The following DCLRE1C variants were observed in gnomAD, a reference collection of about 807,000 sequenced individuals.
DCLRE1C encodes DNA cross-link repair 1C, also known as protein artemis.
DCLRE1C carries 47 observed loss-of-function variants against 61.4 expected under a neutral mutation model. The observed-to-expected ratio is 0.77, with a 90% CI of 0.61 to 0.98. The LOEUF (loss-of-function observed/expected upper bound fraction) is 0.98. DCLRE1C is among the 50% of genes least tolerant of loss of function. The pLI, the probability that DCLRE1C is intolerant of heterozygous loss-of-function variation, is 0.00. For missense variants in DCLRE1C, 858 were observed against 816.0 expected, an observed-to-expected ratio of 1.05 and a Z score of -0.63; for synonymous variants, 337 against 287.6, an observed-to-expected ratio of 1.17 and a Z score of -1.74.
chr10:14,938,754 T>A (rs1281289155), intron 4 of DCLRE1C, among the ~76,000 whole-genome samples: 2 of 152,206 alleles, frequency 1.3e-5, no homozygotes, highest in African/African-American at 4.8e-5. Flanking sequence ...ATGAATTACC[T>A]GCAAAAATAT....
In DCLRE1C at chr10:14,953,939, C is replaced by G. The variant is rs760707626; in HGVS notation, c.72G>C (p.Leu24=). ...GGGACAGGAAGTAGGCGCGGGCCCT[C>G]AGGTTCTCCCTATCGAAGCGGTCTA... The part of the protein sequence containing the change: ...ISIDRFDREN[L]RARAYFLSHC... The change falls in exon 1 of 14, where the codon CTG becomes CTC. Residue 24 remains leucine (L), a synonymous_variant. Coordinates refer to ENST00000378278, the MANE Select transcript of DCLRE1C (RefSeq NM_001033855.3). 2.5e-6 allele frequency: 4 copies of G among 1,613,952 alleles called. No homozygotes were observed. The highest frequency in any genetic ancestry group is 3.3e-5 in the Admixed American group (2 of 59,998).
chr10:14,935,731 C>T (rs1839801268), intron 5 of DCLRE1C, among the ~76,000 whole-genome samples, 167 bp from the exon 6 acceptor site: 1 of 152,082 alleles, frequency 6.6e-6, no homozygotes, highest in African/African-American at 2.4e-5. Context: ...CAGCTGTCAC[C>T]TCTTCCCTCG....
chr10:14,947,249 T>C (rs1841840226), intron 2 of DCLRE1C, among the ~76,000 whole-genome samples: 1 of 151,786 alleles, frequency 6.6e-6, no homozygotes, highest in Non-Finnish European at 1.5e-5. Context: ...CAAAAAAACA[T>C]GCCAAATGGT....
rs775434818 is a variant in DCLRE1C, at chr10:14,936,562, G to C, written c.338C>G (p.Ala113Gly). Residue 113 changes from alanine (A) to glycine (G), a missense_variant, in exon 5 of 14, where the codon GCT (alanine) becomes GGT (glycine). By Grantham distance (60) the Ala-to-Gly change is moderately conservative. Around this residue, in one of 2 missense-constraint regions of DCLRE1C, gnomAD observed 843 missense variants for 783.5 expected, o/e 1.08. Transcript: ENST00000378278. ...KEEIVVTLLPAGHCPGSVMFL... is the reference protein window; with the variant it reads ...KEEIVVTLLPGGHCPGSVMFL... ...CATAACTGATCCCGGACAGTGACCA[G>C]CTGGTAAGAGAGTCACAACAATCTC... is the stretch of plus-strand genomic sequence containing the variant. The C allele has an allele frequency of 6.2e-7, 1 of 1,613,168 alleles. No homozygotes were observed. The highest frequency in any genetic ancestry group is 8.5e-7 in the Non-Finnish European group (1 of 1,179,324).
intron 11 of DCLRE1C, among the ~76,000 whole-genome samples, chr10:14,924,934 C>T (rs1486189910): frequency 1.3e-5 from 2 of 152,036 alleles, no homozygotes; most frequent in South Asian, 2.1e-4. Context: ...CTTTTATGCC[C>T]TTCTGCAAAT....
chr10:14,946,153 C>T (rs527986774), intron 2 of DCLRE1C, among the ~76,000 whole-genome samples: 20 of 151,284 alleles, frequency 1.3e-4, no homozygotes, highest in Admixed American at 2.7e-4. Context: ...GGACTACATG[C>T]GCACCACCAC....
downstream of DCLRE1C, among the ~76,000 whole-genome samples, chr10:14,900,603 C>T (rs1588861187): frequency 6.6e-6 from 1 of 152,162 alleles, no homozygotes; most frequent in Non-Finnish European, 1.5e-5. Context: ...GTATGACTCA[C>T]TACATCTTTT....
exon 14 of DCLRE1C, chr10:14,899,285 A>G (rs548175606): frequency 1.4e-6 from 1 of 702,312 alleles, no homozygotes. Flanking sequence ...GCACCACCGC[A>G]TTCTAGCCTG....
chr10:14,934,897 A>T, intron 6 of DCLRE1C, 122 bp from the exon 7 acceptor site: 1 of 729,612 alleles, frequency 1.4e-6, no homozygotes, highest in South Asian at 1.5e-5. Flanking sequence ...TCTGCTCACT[A>T]CCACCTCCTC....
intron 11 of DCLRE1C, among the ~76,000 whole-genome samples, chr10:14,924,612 G>T (rs1021887574): frequency 6.6e-6 from 1 of 152,128 alleles, no homozygotes; most frequent in African/African-American, 2.4e-5. Context: ...ACTTTGGGAG[G>T]CCGAGCCGGG....
chr10:14,935,787 G>A (rs1839809507), intron 5 of DCLRE1C, among the ~76,000 whole-genome samples: 1 of 152,186 alleles, frequency 6.6e-6, no homozygotes, highest in African/African-American at 2.4e-5. Context: ...TGTAATAGAT[G>A]TTCCTTGTGA....
rs1377733132 is a variant in DCLRE1C at position 14,906,175 on chromosome 10, G to A, written c.*2233C>T. 6.6e-6 allele frequency among the ~76,000 whole-genome samples: 1 copy of A among 152,168 alleles called. No homozygotes were observed. The highest frequency in any genetic ancestry group is 1.5e-5 in the Non-Finnish European group (1 of 68,038). ...AATTCTGCCTGTGCCTCATAGCTAT[G>A]TGAACTAACCTCTGTGCCTTTGTCT... On this transcript the variant is annotated 3_prime_UTR_variant, in exon 14 of 14. Coordinates refer to ENST00000378278, the MANE Select transcript of DCLRE1C (RefSeq NM_001033855.3).
In DCLRE1C at chr10:14,908,673, A is replaced by G; in HGVS notation, c.1814T>C (p.Leu605Ser). The G allele has an allele frequency of 1.5e-5, 25 of 1,614,190 alleles. No individual in the cohort carries two copies. Among genetic ancestry groups the G allele is most frequent in the Non-Finnish European group, 2.1e-5 (25 of 1,180,044 alleles). The change falls in exon 14 of 14, where the codon TTG becomes TCG. Residue 605 changes from leucine (L) to serine (S), a missense_variant. Transcript: ENST00000378278. Reference protein sequence around the residue: ...VICPKDTYSDLKSRDKDVTIV... With the variant: ...VICPKDTYSDSKSRDKDVTIV... ...TGTCACATCTTTATCTCTGCTTTTCAAATCAGAGTAAGTATCCTTTGGGCA... is the reference window on the plus strand; with the variant it reads ...TGTCACATCTTTATCTCTGCTTTTCGAATCAGAGTAAGTATCCTTTGGGCA...
Position 14,945,496 on chromosome 10 carries a change from G to A in DCLRE1C, c.162-307C>T, listed in dbSNP as rs531947586. On this transcript the variant is annotated intron_variant, in intron 2 of 13. Transcript: ENST00000378278. ...GTGGGGGTGGAAACACGGTGTCCCTGGACCTCCTCCAACAGTGGTCCCTCA... is the reference window on the plus strand; with the variant it reads ...GTGGGGGTGGAAACACGGTGTCCCTAGACCTCCTCCAACAGTGGTCCCTCA... 8 of 1,150,466 alleles carry A rather than the reference G, an allele frequency of 7.0e-6. No homozygotes were observed. The East Asian group carries it at 2.5e-4, about 36-fold the overall frequency. The allele number at this position is 1,150,466 out of a possible 1,614,324, so 71.3% of individuals were successfully genotyped here. A position where few individuals can be genotyped will look rare whatever the true frequency, so the allele number is the denominator to read the frequency against.
At chr10:14,925,449 T>C (rs1334147146) in intron 11 of DCLRE1C, among the ~76,000 whole-genome samples, 1 of 152,114 alleles carries the variant, frequency 6.6e-6, no homozygotes, top group Non-Finnish European at 1.5e-5. Flanking sequence ...CTATAAATTA[T>C]AGTCACCATA....
In DCLRE1C at chr10:14,919,845, A is replaced by G; in HGVS notation, c.1062-13T>C. ...TAAAGGCTTTAAGCTGAAATGAATC[A>G]GAATATTTGATTTTTCCTTTTGAGG... On this transcript the variant is annotated splice_polypyrimidine_tract_variant and intron_variant, in intron 12 of 13. Transcript: ENST00000378278. 6.3e-7 allele frequency: 1 copy of G among 1,596,148 alleles called. No homozygotes were observed. The highest frequency in any genetic ancestry group is 8.6e-7 in the Non-Finnish European group (1 of 1,163,744).
chr10:14,923,325 C>T (rs1018517843), intron 11 of DCLRE1C: 8 of 443,954 alleles, frequency 1.8e-5, no homozygotes, highest in South Asian at 7.1e-5. Context: ...CCAGGTGATT[C>T]TGATCCACAG....
intron 2 of DCLRE1C, among the ~76,000 whole-genome samples, chr10:14,948,346 T>G (rs1232240899): frequency 1.3e-5 from 2 of 152,226 alleles, no homozygotes; most frequent in African/African-American, 4.8e-5. Context: ...CCACTGGCCC[T>G]TTTCAAATAT....
chr10:14,911,213 C>G (rs1835198402), intron 13 of DCLRE1C: 1 of 152,212 alleles, frequency 6.6e-6, no homozygotes, highest in Admixed American at 6.5e-5. Flanking sequence ...GTGTCTTGTC[C>G]TGGTCCCAAC....
Sources: allele counts gnomAD v4.1 joint callset (sites outside exome capture counted in the v4.1 genomes callset), GRCh38; gene constraint gnomAD v4.1.1; regional missense constraint gnomAD v4.1.1; transcripts MANE v1.5; gene names NCBI Gene and HGNC (gene_info 2026-07-23, HGNC 2026-07-21).